SOS1: variants seen among roughly 807,000 people sequenced by gnomAD.
SOS1 encodes the protein son of sevenless homolog 1.
Under a neutral mutation model 157.6 loss-of-function variants are expected in SOS1, and 25 were observed. The observed-to-expected ratio is 0.16, with a 90% CI of 0.12 to 0.22. SOS1 has a LOEUF of 0.22. Ranked by LOEUF, SOS1 falls within the 10% of genes least tolerant of loss-of-function variation. The pLI is 1.00. For missense variants in SOS1, 1,237 were observed against 1,599.1 expected (o/e 0.77, Z 3.86); for synonymous variants, 528 against 534.0 (o/e 0.99, Z 0.16).
At chr2:39,035,155 C>CA (rs915335661) in intron 8 of SOS1, 57 bp downstream of exon 8, 17,287 of 875,616 alleles carry the variant, frequency 0.02, 1 homozygote, top group Non-Finnish European at 0.023. Context: ...AATGAAGTAG[C>CA]AAAAAAAAAA....
At chr2:39,102,992 T>G (rs1673029652) in intron 1 of SOS1, among the ~76,000 whole-genome samples, 1 of 152,130 alleles carries the variant, frequency 6.6e-6, no homozygotes, top group Non-Finnish European at 1.5e-5. Flanking sequence ...TTTAAGTAGT[T>G]GTGTTTCTAT....
intron 2 of SOS1, among the ~76,000 whole-genome samples, chr2:39,064,268 T>C (rs1411380628): frequency 6.6e-6 from 1 of 152,218 alleles, no homozygotes. Context: ...TTACCTCACA[T>C]AGTTATTTTT....
chr2:39,120,223 G>A, intron 1 of SOS1, 113 bp downstream of exon 1: 1 of 950,464 alleles, frequency 1.1e-6, no homozygotes, highest in Non-Finnish European at 1.4e-6. Flanking sequence ...TTTTGGAGAC[G>A]CGGCGAGACC....
intron 6 of SOS1, among the ~76,000 whole-genome samples, chr2:39,041,829 A>G (rs1486479355): frequency 6.6e-6 from 1 of 152,208 alleles, no homozygotes; most frequent in African/African-American, 2.4e-5. Flanking sequence ...TCAAAGTCAT[A>G]AATATGTTCT....
rs543254707 is a variant in SOS1, at chr2:39,048,199, G to A, written c.864+2945C>T. 1.4e-3 allele frequency among the ~76,000 whole-genome samples: 211 copies of A among 152,148 alleles called. 3 individuals are homozygous for A. Among genetic ancestry groups the A allele is most frequent in the Non-Finnish European group, 1.1e-3 (75 of 67,990 alleles). The stretch of plus-strand genomic sequence containing the variant: ...TTCACAGGTCATGAAGAACACTTAT[G>A]CTTTCTTCTACAAACTTGATTATTT... On this transcript the variant is annotated intron_variant, in intron 6 of 22. Coordinates refer to ENST00000402219, the MANE Select transcript of SOS1 (RefSeq NM_005633.4).
chr2:39,057,103 G>T lies in SOS1; in HGVS notation c.346-237C>A, dbSNP rs560550122. Reference sequence around the variant, plus strand: ...CTCTAATGATGTAAAATACTTAAGCGGAGATTACAAATAGATAATCCCTAA... The same window carrying T: ...CTCTAATGATGTAAAATACTTAAGCTGAGATTACAAATAGATAATCCCTAA... On this transcript the variant is annotated intron_variant, in intron 3 of 22. Transcript: ENST00000402219. Among the ~76,000 whole-genome samples, 3 of 152,068 alleles carry T rather than the reference G, an allele frequency of 2.0e-5. No individual in the cohort carries two copies. The East Asian group carries it at 5.8e-4, about 29-fold the overall frequency.
chr2:39,033,395 TA>T (rs1180722078), intron 8 of SOS1, among the ~76,000 whole-genome samples: 4 of 152,156 alleles, frequency 2.6e-5, no homozygotes, highest in African/African-American at 9.7e-5. Context: ...AAAATTCTAT[TA>T]ATGTAAGTTA....
chr2:39,043,057 T>C (rs1049632465), intron 6 of SOS1, among the ~76,000 whole-genome samples: 2 of 152,192 alleles, frequency 1.3e-5, no homozygotes, highest in South Asian at 4.1e-4. Flanking sequence ...GAAGTGGTGA[T>C]AGTGGTATTC....
chr2:39,120,762 G>C lies in SOS1; in HGVS notation c.-340C>G, dbSNP rs923434452. 2.2e-3 allele frequency among the ~76,000 whole-genome samples: 332 copies of C among 148,858 alleles called. 2 individuals are homozygous for C. Among genetic ancestry groups the C allele is most frequent in the African/African-American group, 7.5e-3 (308 of 41,106 alleles). ...TGCCGCGGCCGCCGCCCGCCCGCCG[G>C]GGCTGCACTCCCGGGCCCGGTCTGG... On this transcript the variant is annotated 5_prime_UTR_variant, in exon 1 of 23. Transcript: ENST00000402219.
Position 39,054,628 on chromosome 2 carries a change from A to G in SOS1, c.706T>C (p.Leu236=), listed in dbSNP as rs1418372765. Residue 236 remains leucine, a synonymous_variant, in exon 5 of 23, where the codon TTG becomes CTG. Transcript: ENST00000402219. ...FREPFVSNSK[L]FSANDVENIF... is the part of the protein sequence containing the mutation. ...ATGATACTTACATTAGCTGAAAACA[A>G]TTTTGAATTGGAGACAAAGGGCTCT... 1 of 1,565,302 alleles carries G rather than the reference A, an allele frequency of 6.4e-7. No homozygotes were observed. The highest frequency in any genetic ancestry group is 8.8e-7 in the Non-Finnish European group (1 of 1,136,362).
At chr2:39,007,296 G>A in intron 15 of SOS1, 103 bp from the exon 16 acceptor site, 1 of 781,012 alleles carries the variant, frequency 1.3e-6, no homozygotes, top group Non-Finnish European at 2.2e-6. Flanking sequence ...TAGGGGGGTG[G>A]CGATAGTATA....
intron 1 of SOS1, among the ~76,000 whole-genome samples, chr2:39,104,934 G>A (rs937338189): frequency 3.3e-5 from 5 of 152,158 alleles, no homozygotes; most frequent in Non-Finnish European, 7.3e-5. Context: ...AGTAATCGTT[G>A]CACAACATTG....
chr2:39,064,615 G>C lies in SOS1; in HGVS notation c.213+3013C>G, dbSNP rs1011510861. The stretch of plus-strand genomic sequence containing the variant: ...AACTGTAAATATGTATTCTTTGAAC[G>C]AATCTTCCCCAGTTCCCTTTCTCTC... On this transcript the variant is annotated intron_variant, in intron 2 of 22. Transcript: ENST00000402219. Among the ~76,000 whole-genome samples, 22 of 151,852 alleles carry C rather than the reference G, an allele frequency of 1.4e-4. 1 individual carries two copies.
intron 20 of SOS1, chr2:38,993,260 A>T (rs1490818958): frequency 6.6e-6 from 1 of 152,356 alleles, no homozygotes; most frequent in African/African-American, 2.4e-5. Context: ...CCTGAGCTCA[A>T]GCAATCCTCC....
At position 38,995,325 on chromosome 2, in the gene SOS1, A is replaced by G. The variant is rs752709279; in HGVS notation, c.3144T>C (p.Gly1048=). 1.2e-6 allele frequency: 2 copies of G among 1,613,580 alleles called. No individual in the cohort carries two copies. Among genetic ancestry groups the G allele is most frequent in the Non-Finnish European group, 1.7e-6 (2 of 1,179,674 alleles). Residue 1048 remains glycine, a synonymous_variant, in exon 20 of 23, where the codon GGT becomes GGC. Transcript: ENST00000402219. Reference sequence around the variant, plus strand: ...GCAGAGGTGTGGGATGCCTCATGGTACCTGGTCTTGGGTTTGATGGACGAA... The same window carrying G: ...GCAGAGGTGTGGGATGCCTCATGGTGCCTGGTCTTGGGTTTGATGGACGAA... The part of the protein sequence containing the change: ...PGVRPSNPRP[G]TMRHPTPLQQ...
chr2:39,061,487 A>T (rs116297516), intron 2 of SOS1, among the ~76,000 whole-genome samples: 1 of 152,250 alleles, frequency 6.6e-6, no homozygotes, highest in African/African-American at 2.4e-5. Flanking sequence ...TCCTGGGCTC[A>T]AGTGATCTCC....
intron 1 of SOS1, among the ~76,000 whole-genome samples, chr2:39,072,305 C>G (rs918716141): frequency 6.6e-6 from 1 of 152,134 alleles, no homozygotes; most frequent in Non-Finnish European, 1.5e-5. Flanking sequence ...GCTTTTCACT[C>G]TAAACCCCTG....
intron 1 of SOS1, among the ~76,000 whole-genome samples, chr2:39,120,003 G>T (rs1673804665): frequency 6.6e-6 from 1 of 152,326 alleles, no homozygotes; most frequent in African/African-American, 2.4e-5. Flanking sequence ...AGACCAAGAA[G>T]ACGGAAAAGT....
chr2:38,995,497 A>C, intron 19 of SOS1, 110 bp from the exon 20 acceptor site: 1 of 793,218 alleles, frequency 1.3e-6, no homozygotes, highest in Non-Finnish European at 2.2e-6. Flanking sequence ...ATCATAAATC[A>C]CTAATAAGGA....
Sources: gnomAD v4.1 joint callset for allele counts (sites outside exome capture counted in the v4.1 genomes callset) on GRCh38, gnomAD v4.1.1 for gene constraint, MANE v1.5 for transcripts, NCBI Gene and HGNC (gene_info 2026-07-23, HGNC 2026-07-21) for gene names.